TMEM132B: variants seen among roughly 807,000 people sequenced by gnomAD.
TMEM132B encodes the protein transmembrane protein 132B.
Under a neutral mutation model 90.8 loss-of-function variants are expected in TMEM132B, and 18 were observed. The observed-to-expected ratio is 0.20, with a 90% CI of 0.14 to 0.29. TMEM132B has a LOEUF of 0.29. Among genes scored for constraint, TMEM132B ranks in the 10% least tolerant of loss-of-function variants. TMEM132B has a pLI of 1.00. For synonymous variants in TMEM132B, 504 were observed against 523.3 expected (o/e 0.96, Z 0.50); for missense variants, 1,096 against 1,326.8 (o/e 0.83, Z 2.70).
At chr12:125,618,469 C>T (rs1307116414) in intron 5 of TMEM132B, among the ~76,000 whole-genome samples, 2 of 152,052 alleles carry the variant, frequency 1.3e-5, no homozygotes, top group Non-Finnish European at 2.9e-5. Context: ...TGGTAAGAGC[C>T]CCATCTTTGA....
rs544553076 is a variant in TMEM132B, at chr12:125,515,220, A to C, written c.1107-4219A>C. Among the ~76,000 whole-genome samples the C allele has an allele frequency of 1.2e-4, 18 of 149,332 alleles. No homozygotes were observed. The East Asian group carries it at 3.6e-3, about 29-fold the overall frequency. On this transcript the variant is annotated intron_variant, in intron 3 of 8. Coordinates refer to ENST00000682704, the MANE Select transcript of TMEM132B (RefSeq NM_001366854.1). ...CATGCACACTCAAACACACACGTTCACACATTCTCTCACACACATGCATTC... is the reference window on the plus strand; with the variant it reads ...CATGCACACTCAAACACACACGTTCCCACATTCTCTCACACACATGCATTC...
rs187754101 is a variant in TMEM132B, at chr12:125,409,409, T to C, written c.960-6122T>C. On this transcript the variant is annotated intron_variant, in intron 2 of 8. Transcript: ENST00000682704. ...CTGGAACCCGAGGAGCCCTGTCCCG[T>C]GAGGAGGCATCCGGCGGCAGTGCTT... 5.7e-3 allele frequency among the ~76,000 whole-genome samples: 860 copies of C among 152,124 alleles called. 6 individuals are homozygous for C. Among genetic ancestry groups the C allele is most frequent in the African/African-American group, 0.02 (823 of 41,496 alleles).
rs902873612 is a variant in TMEM132B at position 125,408,113 on chromosome 12, C to T, written c.960-7418C>T. Among the ~76,000 whole-genome samples, 8 of 152,178 alleles carry T rather than the reference C, an allele frequency of 5.3e-5. No homozygotes were observed. The highest frequency in any genetic ancestry group is 1.9e-4 in the African/African-American group (8 of 41,438). Reference sequence around the variant, plus strand: ...GTGCCTGCTTCTGACTTTCCACGAACGGAATTGCACAGTGCGCGCTTTTGG... The same window carrying T: ...GTGCCTGCTTCTGACTTTCCACGAATGGAATTGCACAGTGCGCGCTTTTGG... On this transcript the variant is annotated intron_variant, in intron 2 of 8. Transcript: ENST00000682704. This position sits in a 1 kb window ranked among gnomAD's most constrained non-coding sequence, Gnocchi z 5.9.
rs536929844 is a variant in TMEM132B, at chr12:125,656,609, A to G, written c.*1899A>G. The G allele has an allele frequency of 6.6e-6, 1 of 152,218 alleles. No individual in the cohort carries two copies. Among genetic ancestry groups the G allele is most frequent in the African/African-American group, 2.4e-5 (1 of 41,446 alleles). The allele number at this position is 152,218 out of a possible 1,614,324, so 9.4% of individuals were successfully genotyped here. A position where few individuals can be genotyped will look rare whatever the true frequency, so the allele number is the denominator to read the frequency against. ...TCCAAAAGTAGTTCAGTTTGATGGG[A>G]TAAGGAAGCAAGGAGAGCCAGGCAT... On this transcript the variant is annotated 3_prime_UTR_variant, in exon 9 of 9. Coordinates refer to ENST00000682704, the MANE Select transcript of TMEM132B (RefSeq NM_001366854.1).
In TMEM132B at chr12:125,531,733, T is replaced by C. The variant is rs143036525; in HGVS notation, c.1293+12108T>C. 1.1e-3 allele frequency among the ~76,000 whole-genome samples: 169 copies of C among 152,356 alleles called. 2 individuals are homozygous for C. The East Asian group carries it at 0.028, about 25-fold the overall frequency. ...TTATATACGCACCATTTCACCTGAT[T>C]GATCCTACCCTCTCACAGCTGAAAG... On this transcript the variant is annotated intron_variant, in intron 4 of 8. Transcript: ENST00000682704.
intron 1 of TMEM132B, among the ~76,000 whole-genome samples, chr12:125,259,596 A>T (rs1047038546): frequency 6.6e-6 from 1 of 152,180 alleles, no homozygotes; most frequent in African/African-American, 2.4e-5. Flanking sequence ...TGCTCTAAGA[A>T]TTGGGAGGGA....
chr12:125,586,532 G>A (rs1010634486), intron 5 of TMEM132B: 42 of 152,314 alleles, frequency 2.8e-4, no homozygotes, highest in African/African-American at 9.4e-4. Context: ...TCAGAAAGAA[G>A]CAATTCATGT....
rs552020793 is a variant in TMEM132B at position 125,474,759 on chromosome 12, G to A, written c.1107-44680G>A. Among the ~76,000 whole-genome samples, 10 of 152,282 alleles carry A rather than the reference G, an allele frequency of 6.6e-5. 1 individual carries two copies. The East Asian group carries it at 1.9e-3, about 29-fold the overall frequency. ...GCTTTAGGCACAGCTGGATCCAGGG[G>A]GACCTGACCTGCTGTCAGGATACAT... On this transcript the variant is annotated intron_variant, in intron 3 of 8. Coordinates refer to ENST00000682704, the MANE Select transcript of TMEM132B (RefSeq NM_001366854.1).
At chr12:125,336,452 C>G (rs1174690163) in intron 1 of TMEM132B, among the ~76,000 whole-genome samples, 1 of 152,228 alleles carries the variant, frequency 6.6e-6, no homozygotes, top group African/African-American at 2.4e-5. Flanking sequence ...CCAGCCAGAC[C>G]TGAAGCCAGC....
In TMEM132B at chr12:125,376,995, C is replaced by T. The variant is rs142143906; in HGVS notation, c.959+26652C>T. 3.0e-3 allele frequency among the ~76,000 whole-genome samples: 450 copies of T among 152,310 alleles called. 5 individuals are homozygous for T. The highest frequency in any genetic ancestry group is 0.01 in the African/African-American group (418 of 41,580). ...GACCACTGGCAGTGGGATCCCTTAGCGGGACAGGGCAGGCTGGTAAAATGC... is the reference window on the plus strand; with the variant it reads ...GACCACTGGCAGTGGGATCCCTTAGTGGGACAGGGCAGGCTGGTAAAATGC... On this transcript the variant is annotated intron_variant, in intron 2 of 8. Transcript: ENST00000682704.
intron 1 of TMEM132B, among the ~76,000 whole-genome samples, chr12:125,332,886 A>C (rs1216753051): frequency 7.0e-6 from 1 of 143,532 alleles, no homozygotes; most frequent in Non-Finnish European, 1.5e-5. Context: ...AAGAGAACAA[A>C]AGATATTCTC....
At chr12:125,635,242 A>T (rs980829720) in intron 5 of TMEM132B, among the ~76,000 whole-genome samples, 1 of 152,184 alleles carries the variant, frequency 6.6e-6, no homozygotes, top group Non-Finnish European at 1.5e-5. Context: ...CTTGCTGCAC[A>T]CATCAACCCG....
intron 1 of TMEM132B, among the ~76,000 whole-genome samples, chr12:125,270,484 A>G (rs908376002): frequency 4.6e-5 from 7 of 152,166 alleles, no homozygotes; most frequent in African/African-American, 1.7e-4. Flanking sequence ...TATTTTGGAA[A>G]TGTATTCAAA....
chr12:125,313,935 G>A (rs568666580), intron 1 of TMEM132B, among the ~76,000 whole-genome samples: 2 of 151,826 alleles, frequency 1.3e-5, no homozygotes, highest in Admixed American at 6.6e-5. Flanking sequence ...CTGGCCAGCC[G>A]TCCTCTCTGT....
intron 2 of TMEM132B, among the ~76,000 whole-genome samples, chr12:125,359,129 A>G (rs1420054318): frequency 6.6e-6 from 1 of 152,150 alleles, no homozygotes; most frequent in African/African-American, 2.4e-5. Flanking sequence ...TGGCCCCCAC[A>G]TCTCTTGCTT....
At chr12:125,618,842 A>G (rs1886052022) in intron 5 of TMEM132B, among the ~76,000 whole-genome samples, 1 of 152,202 alleles carries the variant, frequency 6.6e-6, no homozygotes, top group African/African-American at 2.4e-5. Context: ...GTAGTATGCA[A>G]TTGACTCCAG....
At chr12:125,590,488 C>A (rs750088185) in intron 5 of TMEM132B, among the ~76,000 whole-genome samples, 21 of 152,286 alleles carry the variant, frequency 1.4e-4, no homozygotes, top group South Asian at 1.2e-3. Context: ...AGTGAATTTT[C>A]TGTTACTGAA....
intron 1 of TMEM132B, among the ~76,000 whole-genome samples, chr12:125,311,831 A>T (rs1250345868): frequency 1.3e-5 from 2 of 152,150 alleles, no homozygotes; most frequent in Non-Finnish European, 2.9e-5. Context: ...CCTTCTGATC[A>T]TGGGCCTTTT....
intron 1 of TMEM132B, among the ~76,000 whole-genome samples, chr12:125,315,598 G>A (rs954472443): frequency 2.6e-5 from 4 of 152,154 alleles, no homozygotes; most frequent in Non-Finnish European, 4.4e-5. Flanking sequence ...CCCCGATGCC[G>A]TGGGTACCAT....
Sources: gnomAD v4.1 joint callset for allele counts (sites outside exome capture counted in the v4.1 genomes callset) on GRCh38, gnomAD v4.1.1 for gene constraint, Gnocchi (gnomAD v3.1) non-coding constraint, MANE v1.5 for transcripts, NCBI Gene and HGNC (gene_info 2026-07-23, HGNC 2026-07-21) for gene names.